Variants in PLEKHG1 observed in about 807,000 individuals in gnomAD.
PLEKHG1 encodes the protein pleckstrin homology and RhoGEF domain containing G1, also known as pleckstrin homology domain-containing family G member 1.
PLEKHG1 carries 44 observed loss-of-function variants against 100.8 expected under a neutral mutation model. That is an observed-to-expected ratio of 0.44 (90% CI 0.34 to 0.56). The LOEUF (loss-of-function observed/expected upper bound fraction) is 0.56, where lower values mean the gene tolerates loss of function less well. Among genes scored for constraint, PLEKHG1 ranks in the 20% least tolerant of loss-of-function variants. PLEKHG1 has a pLI of 0.01. For missense variants in PLEKHG1, 1,545 were observed against 1,720.9 expected, an observed-to-expected ratio of 0.90 and a Z score of 1.81; for synonymous variants, 640 against 662.5, an observed-to-expected ratio of 0.97 and a Z score of 0.52.
intron 3 of PLEKHG1, among the ~76,000 whole-genome samples, chr6:150,678,702 T>C (rs933084562): frequency 2.6e-5 from 4 of 152,330 alleles, no homozygotes; most frequent in Middle Eastern, 3.4e-3. Flanking sequence ...TAAAATTTTA[T>C]AGTGTTCACA....
rs116326265 is a variant in PLEKHG1 at position 150,645,214 on chromosome 6, A to G, written c.-157-5514A>G. Among the ~76,000 whole-genome samples the G allele has an allele frequency of 7.1e-3, 1,086 of 152,340 alleles. 14 individuals are homozygous for G. The highest frequency in any genetic ancestry group is 0.025 in the African/African-American group (1,026 of 41,574). On this transcript the variant is annotated intron_variant, in intron 2 of 3. Transcript: ENST00000367326. The stretch of plus-strand genomic sequence containing the variant: ...TATGTAACAGAGGTGCATTGCAAAT[A>G]AGTGGAAAGAATAAATTAGTAAATG...
At chr6:150,606,022 G>A (rs1322555850) in intron 1 of PLEKHG1, among the ~76,000 whole-genome samples, 2 of 152,150 alleles carry the variant, frequency 1.3e-5, no homozygotes, top group African/African-American at 4.8e-5. Context: ...TCTTAGCTCT[G>A]GGGTGTTGAC....
chr6:150,796,641 A>C (rs889906442), intron 5 of PLEKHG1, among the ~76,000 whole-genome samples: 1 of 152,210 alleles, frequency 6.6e-6, no homozygotes, highest in Admixed American at 6.5e-5. Context: ...TTTTCAAAGC[A>C]ATCCAGAGAC....
intron 3 of PLEKHG1, among the ~76,000 whole-genome samples, chr6:150,703,177 A>C (rs923691501): frequency 1.9e-5 from 2 of 104,220 alleles, no homozygotes; most frequent in East Asian, 5.4e-4. Context: ...ATCCCTTCCC[A>C]CTTCTCTCCT....
At chr6:150,723,783 A>G (rs1781819440) in intron 1 of PLEKHG1, among the ~76,000 whole-genome samples, 1 of 152,214 alleles carries the variant, frequency 6.6e-6, no homozygotes, top group South Asian at 2.1e-4. Context: ...AATGGCTTGA[A>G]ACAACAAACA....
intron 2 of PLEKHG1, among the ~76,000 whole-genome samples, chr6:150,757,761 A>T (rs576912334): frequency 6.6e-6 from 1 of 152,224 alleles, no homozygotes; most frequent in South Asian, 2.1e-4. Context: ...ACGTAGGTAA[A>T]CATGTCCCAT....
intron 3 of PLEKHG1, among the ~76,000 whole-genome samples, chr6:150,685,152 C>T (rs1192128323): frequency 6.6e-6 from 1 of 152,094 alleles, no homozygotes; most frequent in East Asian, 1.9e-4. Flanking sequence ...CTCTCCTTAA[C>T]CCCCTCTTCC....
intron 2 of PLEKHG1, among the ~76,000 whole-genome samples, chr6:150,642,272 T>C (rs1292181663): frequency 6.6e-6 from 1 of 152,206 alleles, no homozygotes; most frequent in East Asian, 1.9e-4. Flanking sequence ...TCTGAATTGC[T>C]TGAAGTTATT....
At chr6:150,684,885 C>T (rs1023225272) in intron 3 of PLEKHG1, among the ~76,000 whole-genome samples, 2 of 152,042 alleles carry the variant, frequency 1.3e-5, no homozygotes, top group African/African-American at 2.4e-5. Flanking sequence ...GCAGCAGGTC[C>T]GGTTAAGGAA....
chr6:150,600,301 C>T lies in PLEKHG1; in HGVS notation c.-204+284C>T, dbSNP rs1050982256. On this transcript the variant is annotated intron_variant, in intron 1 of 3. Coordinates refer to the PLEKHG1 transcript ENST00000367326. This position sits in a 1 kb window ranked among gnomAD's most constrained non-coding sequence, Gnocchi z 6.2. ...GGAGTCGGGTCGGGGATGCTGCCCG[C>T]CGCCGCCCCGCTTGGGGTTCCGCGC... Among the ~76,000 whole-genome samples, 3 of 151,446 alleles carry T rather than the reference C, an allele frequency of 2.0e-5. No homozygotes were observed. Among genetic ancestry groups the T allele is most frequent in the African/African-American group, 7.3e-5 (3 of 41,246 alleles).
rs572180300 is a variant in PLEKHG1 at position 150,741,227 on chromosome 6, G to A, written c.411+7135G>A. Reference sequence around the variant, plus strand: ...AAACAGTTCAAGGTGGGCAGCATTCGGTGAGAGCAAAATGAGTTGAGATTT... The same window carrying A: ...AAACAGTTCAAGGTGGGCAGCATTCAGTGAGAGCAAAATGAGTTGAGATTT... On this transcript the variant is annotated intron_variant, in intron 2 of 15. Coordinates refer to ENST00000358517, the Ensembl canonical transcript of PLEKHG1. Among the ~76,000 whole-genome samples the A allele has an allele frequency of 1.5e-3, 233 of 152,222 alleles. No individual in the cohort carries two copies. The Middle Eastern group carries it at 0.024, about 16-fold the overall frequency.
chr6:150,751,360 C>G (rs1783501608), intron 2 of PLEKHG1, among the ~76,000 whole-genome samples: 2 of 151,896 alleles, frequency 1.3e-5, no homozygotes, highest in Non-Finnish European at 2.9e-5. Flanking sequence ...GGCTTCAGAC[C>G]CATGCTGACA....
intron 1 of PLEKHG1, among the ~76,000 whole-genome samples, chr6:150,628,851 G>T (rs1473005552): frequency 6.6e-6 from 1 of 152,304 alleles, no homozygotes; most frequent in South Asian, 2.1e-4. Flanking sequence ...TAAGAATGTA[G>T]TGCTGTCATC....
chr6:150,811,635 T>TAAA (rs55740953), intron 10 of PLEKHG1, among the ~76,000 whole-genome samples: 1 of 139,524 alleles, frequency 7.2e-6, no homozygotes. Flanking sequence ...AGACCTGCAT[T>TAAA]AAAAAAAAAA....
chr6:150,674,388 A>G (rs1480921897), intron 3 of PLEKHG1, among the ~76,000 whole-genome samples: 6 of 152,154 alleles, frequency 3.9e-5, no homozygotes, highest in Admixed American at 3.9e-4. Context: ...CTTTTACTCT[A>G]CTGTTAATGA....
chr6:150,632,045 G>C (rs573574564), intron 1 of PLEKHG1, among the ~76,000 whole-genome samples: 7 of 152,306 alleles, frequency 4.6e-5, no homozygotes, highest in African/African-American at 1.4e-4. Context: ...CCTACAACAA[G>C]CACGCGGCAT....
intron 7 of PLEKHG1, among the ~76,000 whole-genome samples, chr6:150,805,059 C>G (rs188864282): frequency 6.6e-6 from 1 of 152,028 alleles, no homozygotes; most frequent in Non-Finnish European, 1.5e-5. Context: ...CCTCAGCCTC[C>G]CGAGTAGCTG....
intron 3 of PLEKHG1, among the ~76,000 whole-genome samples, chr6:150,672,128 G>A (rs1193288493): frequency 6.6e-6 from 1 of 151,888 alleles, no homozygotes; most frequent in Non-Finnish European, 1.5e-5. Flanking sequence ...TTATTCTCCA[G>A]GACACAAAAA....
At chr6:150,773,049 G>A (rs184705287) in intron 3 of PLEKHG1, among the ~76,000 whole-genome samples, 113 of 152,172 alleles carry the variant, frequency 7.4e-4, no homozygotes, top group African/African-American at 2.7e-3. Context: ...TTTATAGTGC[G>A]TAGGTTTTGT....
Sources: allele counts gnomAD v4.1 joint callset (sites outside exome capture counted in the v4.1 genomes callset), GRCh38; gene constraint gnomAD v4.1.1; non-coding constraint Gnocchi (gnomAD v3.1); transcripts MANE v1.5; gene names NCBI Gene and HGNC (gene_info 2026-07-23, HGNC 2026-07-21).